SLC24A3: variants seen among roughly 807,000 people sequenced by gnomAD.
The protein encoded by SLC24A3 is sodium/potassium/calcium exchanger 3.
Under a neutral mutation model 75.8 loss-of-function variants are expected in SLC24A3, and 28 were observed. The observed-to-expected ratio is 0.37, with a 90% confidence interval of 0.27 to 0.51. The LOEUF (loss-of-function observed/expected upper bound fraction) is 0.51. Among genes scored for constraint, SLC24A3 ranks in the 20% least tolerant of loss-of-function variants. The pLI is 0.94. For missense variants in SLC24A3, 663 were observed against 847.8 expected (o/e 0.78, Z 2.71); for synonymous variants, 372 against 334.1 (o/e 1.11, Z -1.24).
chr20:19,237,982 G>A (rs989026547), intron 1 of SLC24A3, among the ~76,000 whole-genome samples: 1 of 152,114 alleles, frequency 6.6e-6, no homozygotes, highest in Non-Finnish European at 1.5e-5. Context: ...AGATGGTTTT[G>A]GTGCAGAGAG....
At chr20:19,507,171 AAC>A (rs1299988295) in intron 2 of SLC24A3, among the ~76,000 whole-genome samples, 1 of 152,256 alleles carries the variant, frequency 6.6e-6, no homozygotes, top group East Asian at 1.9e-4. Flanking sequence ...TGCCTCAACC[AAC>A]ACTATTAAGT....
At chr20:19,488,186 A>C (rs1208896107) in intron 2 of SLC24A3, among the ~76,000 whole-genome samples, 1 of 152,216 alleles carries the variant, frequency 6.6e-6, no homozygotes, top group Non-Finnish European at 1.5e-5. Context: ...TGCAGCTATA[A>C]TCATGGGACC....
chr20:19,290,666 A>G (rs6045960), intron 2 of SLC24A3, among the ~76,000 whole-genome samples: 9,190 of 152,220 alleles, frequency 0.06, 618 homozygotes, highest in African/African-American at 0.17. Flanking sequence ...ATGGTGTTCT[A>G]TTATAGCAGC....
chr20:19,393,724 T>C (rs1333727546), intron 2 of SLC24A3, among the ~76,000 whole-genome samples: 1 of 152,146 alleles, frequency 6.6e-6, no homozygotes, highest in Admixed American at 6.5e-5. Context: ...TGTAAATAGA[T>C]GAAAAGACAT....
chr20:19,587,065 T>C (rs1290931084), intron 6 of SLC24A3, among the ~76,000 whole-genome samples: 1 of 152,200 alleles, frequency 6.6e-6, no homozygotes, highest in Non-Finnish European at 1.5e-5. Flanking sequence ...GATGAACAGT[T>C]GCACCCAGCA....
intron 6 of SLC24A3, among the ~76,000 whole-genome samples, chr20:19,653,777 C>G (rs1289067368): frequency 5.3e-5 from 8 of 152,190 alleles, no homozygotes; most frequent in Non-Finnish European, 1.0e-4. Flanking sequence ...GGGTCAGACC[C>G]GCATCACAGT....
At chr20:19,496,135 T>C (rs936114647) in intron 2 of SLC24A3, among the ~76,000 whole-genome samples, 2 of 152,172 alleles carry the variant, frequency 1.3e-5, no homozygotes, top group Non-Finnish European at 2.9e-5. Flanking sequence ...ATGGAAACTT[T>C]GGCCACGGGT....
intron 2 of SLC24A3, among the ~76,000 whole-genome samples, chr20:19,356,029 A>G (rs918493404): frequency 6.6e-6 from 1 of 152,160 alleles, no homozygotes; most frequent in Non-Finnish European, 1.5e-5. Context: ...TAGACCCCAA[A>G]TTAAGAACCC....
At chr20:19,343,092 GAAAAA>G (rs1985312342) in intron 2 of SLC24A3, among the ~76,000 whole-genome samples, 3 of 125,526 alleles carry the variant, frequency 2.4e-5, no homozygotes, top group African/African-American at 9.7e-5. Flanking sequence ...AAAGAAAAAA[GAAAAA>G]GAAAAAGAAA....
chr20:19,663,702 G>A (rs972306008), intron 7 of SLC24A3, among the ~76,000 whole-genome samples: 1 of 151,626 alleles, frequency 6.6e-6, no homozygotes, highest in African/African-American at 2.4e-5. Context: ...CCATCCTCTT[G>A]ACTCCAGGGT....
chr20:19,541,991 C>A (rs1487161436), intron 3 of SLC24A3, among the ~76,000 whole-genome samples: 2 of 152,144 alleles, frequency 1.3e-5, no homozygotes, highest in South Asian at 2.1e-4. Flanking sequence ...TTTTCCAAAC[C>A]AACGCAATAC....
chr20:19,441,047 G>A (rs539340350), intron 2 of SLC24A3, among the ~76,000 whole-genome samples: 1 of 152,278 alleles, frequency 6.6e-6, no homozygotes, highest in South Asian at 2.1e-4. Context: ...CTGCAGCCAT[G>A]TTTCAGACAA....
At position 19,373,604 on chromosome 20, in the gene SLC24A3, A is replaced by C. The variant is rs147890963; in HGVS notation, c.271+92517A>C. Among the ~76,000 whole-genome samples, 298 of 152,256 alleles carry C rather than the reference A, an allele frequency of 2.0e-3. 1 individual carries two copies. The highest frequency in any genetic ancestry group is 6.8e-3 in the African/African-American group (281 of 41,528). On this transcript the variant is annotated intron_variant, in intron 2 of 16. Transcript: ENST00000328041. ...ATAGATTTTGCCACTATATATATAGATTTATATATTCTGACTTAGATTTTG... is the reference window on the plus strand; with the variant it reads ...ATAGATTTTGCCACTATATATATAGCTTTATATATTCTGACTTAGATTTTG...
chr20:19,554,210 G>A (rs193045449), intron 3 of SLC24A3, among the ~76,000 whole-genome samples: 29 of 152,180 alleles, frequency 1.9e-4, no homozygotes, highest in African/African-American at 6.7e-4. Flanking sequence ...AAAGTAAAAT[G>A]TCACATTAGT....
chr20:19,703,693 A>G (rs1600349230), intron 15 of SLC24A3, among the ~76,000 whole-genome samples: 1 of 152,372 alleles, frequency 6.6e-6, no homozygotes, highest in East Asian at 1.9e-4. Flanking sequence ...GCCTATAGAA[A>G]GGTAGACTTT....
At chr20:19,396,943 T>C (rs1326446405) in intron 2 of SLC24A3, among the ~76,000 whole-genome samples, 1 of 152,230 alleles carries the variant, frequency 6.6e-6, no homozygotes, top group Non-Finnish European at 1.5e-5. Context: ...CTTCAGGATA[T>C]GTACCCACGG....
At chr20:19,381,086 A>T (rs1034141212) in intron 2 of SLC24A3, among the ~76,000 whole-genome samples, 1 of 152,232 alleles carries the variant, frequency 6.6e-6, no homozygotes, top group African/African-American at 2.4e-5. Flanking sequence ...CATAATGACT[A>T]TCACTAATAT....
At chr20:19,331,764 A>G (rs1030682690) in intron 2 of SLC24A3, among the ~76,000 whole-genome samples, 3 of 152,170 alleles carry the variant, frequency 2.0e-5, no homozygotes, top group African/African-American at 7.2e-5. Flanking sequence ...TGAAGCTTCC[A>G]TTCTAGGGGG....
chr20:19,414,624 A>C (rs1487850458), intron 2 of SLC24A3, among the ~76,000 whole-genome samples: 1 of 152,240 alleles, frequency 6.6e-6, no homozygotes, highest in East Asian at 1.9e-4. Flanking sequence ...TTCTTACATC[A>C]GTTATCTCAG....
Sources: allele counts gnomAD v4.1 joint callset (sites outside exome capture counted in the v4.1 genomes callset), GRCh38; gene constraint gnomAD v4.1.1; transcripts MANE v1.5; gene names NCBI Gene and HGNC (gene_info 2026-07-23, HGNC 2026-07-21).